Variants in CDC42BPA observed in about 807,000 individuals in gnomAD.
CDC42BPA encodes CDC42 binding protein kinase alpha.
Under a neutral mutation model 223.5 loss-of-function variants are expected in CDC42BPA, and 80 were observed. The observed-to-expected ratio is 0.36, with a 90% CI of 0.30 to 0.43. CDC42BPA has a LOEUF of 0.43. Ranked by LOEUF, CDC42BPA falls within the 20% of genes least tolerant of loss-of-function variation. The pLI, the probability that CDC42BPA is intolerant of heterozygous loss-of-function variation, is 1.00. For synonymous variants in CDC42BPA, 694 were observed against 718.6 expected (o/e 0.97, Z 0.55); for missense variants, 1,743 against 2,099.9 (o/e 0.83, Z 3.32).
chr1:227,157,602 T>TA (rs1663048193), intron 6 of CDC42BPA, among the ~76,000 whole-genome samples: 4 of 152,190 alleles, frequency 2.6e-5, no homozygotes, highest in Admixed American at 2.0e-4. Flanking sequence ...GTAAAATTCT[T>TA]AGATCTGAGT....
intron 29 of CDC42BPA, among the ~76,000 whole-genome samples, 172 bp downstream of exon 29, chr1:227,030,236 T>A (rs2148657185): frequency 6.6e-6 from 1 of 152,314 alleles, no homozygotes; most frequent in South Asian, 2.1e-4. Context: ...TCAGGGGGAT[T>A]ATAGAAATTT....
intron 3 of CDC42BPA, among the ~76,000 whole-genome samples, chr1:227,203,454 A>G (rs1672140833): frequency 6.6e-6 from 1 of 152,132 alleles, no homozygotes; most frequent in South Asian, 2.1e-4. Context: ...GATCAATATT[A>G]ACCAAATCAT....
intron 1 of CDC42BPA, among the ~76,000 whole-genome samples, chr1:227,297,846 T>C (rs1230134597): frequency 6.6e-6 from 1 of 151,146 alleles, no homozygotes; most frequent in African/African-American, 2.4e-5. Context: ...GATGAAAAGG[T>C]TTTTGAAATA....
chr1:227,182,603 A>G (rs142247540), intron 5 of CDC42BPA, among the ~76,000 whole-genome samples: 1,884 of 152,324 alleles, frequency 0.012, 21 homozygotes, highest in Middle Eastern at 0.044. Context: ...AAAATTGACA[A>G]TGGTACATTA....
chr1:227,196,525 G>A (rs1670769868), intron 4 of CDC42BPA, among the ~76,000 whole-genome samples: 1 of 151,704 alleles, frequency 6.6e-6, no homozygotes, highest in Non-Finnish European at 1.5e-5. Flanking sequence ...ATTTTTAGTA[G>A]AGACCGGGTT....
At chr1:227,129,084 T>G (rs1656432685) in intron 11 of CDC42BPA, 25 bp downstream of exon 11, 1 of 1,337,274 alleles carries the variant, frequency 7.5e-7, no homozygotes, top group African/African-American at 1.5e-5. Context: ...CTAAATTGAA[T>G]TAACAGTGAA....
At chr1:227,048,612 T>C (rs1369085925) in intron 22 of CDC42BPA, among the ~76,000 whole-genome samples, 2 of 151,724 alleles carry the variant, frequency 1.3e-5, no homozygotes, top group African/African-American at 4.8e-5. Flanking sequence ...TACCATATCT[T>C]TCTTAGGTAG....
chr1:227,131,549 G>C (rs1657109194), intron 10 of CDC42BPA, among the ~76,000 whole-genome samples: 1 of 152,182 alleles, frequency 6.6e-6, no homozygotes, highest in South Asian at 2.1e-4. Context: ...CTCTGCCAAT[G>C]AATCTACTTA....
chr1:227,123,193 G>A (rs573254958), intron 11 of CDC42BPA, among the ~76,000 whole-genome samples: 5 of 152,180 alleles, frequency 3.3e-5, no homozygotes, highest in African/African-American at 1.2e-4. Context: ...TCAGCTACTC[G>A]AGAAGGGCTG....
At chr1:227,241,274 A>G (rs1232745966) in intron 2 of CDC42BPA, among the ~76,000 whole-genome samples, 2 of 152,128 alleles carry the variant, frequency 1.3e-5, no homozygotes. Flanking sequence ...TCCAACTGGA[A>G]GTAGTATGCC....
At chr1:227,205,415 G>A (rs1004133624) in intron 3 of CDC42BPA, among the ~76,000 whole-genome samples, 1 of 151,406 alleles carries the variant, frequency 6.6e-6, no homozygotes, top group Non-Finnish European at 1.5e-5. Flanking sequence ...ATATTTTAGT[G>A]AAAAAGCAAT....
chr1:227,144,472 G>A (rs574181810), intron 8 of CDC42BPA, among the ~76,000 whole-genome samples: 1 of 150,400 alleles, frequency 6.6e-6, no homozygotes, highest in South Asian at 2.1e-4. Flanking sequence ...CTACTCAGGA[G>A]GCTGAGGCAG....
chr1:227,116,611 A>G (rs1338326173), intron 12 of CDC42BPA, among the ~76,000 whole-genome samples: 1 of 152,206 alleles, frequency 6.6e-6, no homozygotes, highest in Admixed American at 6.5e-5. Context: ...AATTTTATGG[A>G]AGAACATTTT....
At chr1:227,069,946 C>A in intron 20 of CDC42BPA, 93 bp from the exon 21 acceptor site, 1 of 747,200 alleles carries the variant, frequency 1.3e-6, no homozygotes, top group South Asian at 1.8e-5. Flanking sequence ...AAAAGCAGTT[C>A]ACAAACTACT....
At chr1:227,292,026 A>G (rs1334961661) in intron 1 of CDC42BPA, among the ~76,000 whole-genome samples, 3 of 151,924 alleles carry the variant, frequency 2.0e-5, no homozygotes, top group African/African-American at 4.8e-5. Flanking sequence ...TCTGTTGCCC[A>G]GGCTGGAGTG....
Position 227,213,226 on chromosome 1 carries a change from A to C in CDC42BPA, c.271-7T>G. 1.5e-6 allele frequency: 2 copies of C among 1,343,780 alleles called. No individual in the cohort carries two copies. Among genetic ancestry groups the C allele is most frequent in the Non-Finnish European group, 2.1e-6 (2 of 960,174 alleles). 83.2% of individuals were successfully genotyped at this position (1,343,780 alleles called of 1,614,324 possible). A position where few individuals can be genotyped will look rare whatever the true frequency, so the allele number is the denominator to read the frequency against. Reference sequence around the variant, plus strand: ...TTAGTTTTACTACAGCAACCTAGAAAAGATAAAGGAAATATAAATTTTAAA... The same window carrying C: ...TTAGTTTTACTACAGCAACCTAGAACAGATAAAGGAAATATAAATTTTAAA... On this transcript the variant is annotated splice_polypyrimidine_tract_variant and splice_region_variant and intron_variant, in intron 2 of 36. Coordinates refer to ENST00000366766, the MANE Select transcript of CDC42BPA (RefSeq NM_001394014.1).
In CDC42BPA at chr1:227,193,865, G is replaced by T. The variant is rs1338239885; in HGVS notation, c.520C>A (p.Pro174Thr). 2 of 1,612,622 alleles carry T rather than the reference G, an allele frequency of 1.2e-6. No individual in the cohort carries two copies. Among genetic ancestry groups the T allele is most frequent in the Non-Finnish European group, 1.7e-6 (2 of 1,179,162 alleles). ...AAGTAAAATCTAGCCATATCTTCAGGCAATCTATCTTCAAATTTGCTGAGT... is the reference window on the plus strand; with the variant it reads ...AAGTAAAATCTAGCCATATCTTCAGTCAATCTATCTTCAAATTTGCTGAGT... The part of the protein sequence containing the change: ...TLLSKFEDRL[P>T]EDMARFYLAE... The change falls in exon 5 of 37, where the codon CCT becomes ACT. Residue 174 changes from proline (P) to threonine (T), a missense_variant. This residue lies in a region of CDC42BPA where 321 missense variants were observed against 488.7 expected (regional missense o/e 0.66). Coordinates refer to ENST00000366766, the MANE Select transcript of CDC42BPA (RefSeq NM_001394014.1).
intron 16 of CDC42BPA, among the ~76,000 whole-genome samples, chr1:227,085,037 G>C (rs1332758530): frequency 6.6e-6 from 1 of 152,136 alleles, no homozygotes; most frequent in Admixed American, 6.5e-5. Flanking sequence ...TGAATGTTAA[G>C]CTTGCCAAGC....
chr1:227,315,745 T>C (rs920667374), intron 1 of CDC42BPA, among the ~76,000 whole-genome samples: 2 of 152,162 alleles, frequency 1.3e-5, no homozygotes, highest in African/African-American at 4.8e-5. Context: ...ACTTGAAAGA[T>C]GGTTTAGATT....
Sources: gnomAD v4.1 joint callset for allele counts (sites outside exome capture counted in the v4.1 genomes callset) on GRCh38, gnomAD v4.1.1 for gene constraint, gnomAD v4.1.1 regional missense constraint, MANE v1.5 for transcripts, NCBI Gene and HGNC (gene_info 2026-07-23, HGNC 2026-07-21) for gene names.